The following CDH18 variants were observed in gnomAD, a reference collection of about 807,000 sequenced individuals.
The protein encoded by CDH18 is cadherin 18, also known as cadherin-18.
In CDH18, 31 loss-of-function variants were observed where a neutral mutation model predicts 67.9. That is an observed-to-expected ratio of 0.46 (90% CI 0.34 to 0.62). CDH18 has a LOEUF of 0.62. Among genes scored for constraint, CDH18 ranks in the 20% least tolerant of loss-of-function variants. The pLI is 0.01. For missense variants in CDH18, 890 were observed against 975.5 expected, an observed-to-expected ratio of 0.91 and a Z score of 1.17; for synonymous variants, 362 against 347.2, an observed-to-expected ratio of 1.04 and a Z score of -0.48.
At chr5:19,630,194 G>A (rs369705841) in intron 5 of CDH18, among the ~76,000 whole-genome samples, 1 of 151,904 alleles carries the variant, frequency 6.6e-6, no homozygotes, top group Non-Finnish European at 1.5e-5. Flanking sequence ...CACCAGCCTC[G>A]GCCTCCCAAA....
intron 2 of CDH18, among the ~76,000 whole-genome samples, chr5:20,085,883 T>G (rs1463870805): frequency 6.6e-6 from 1 of 152,140 alleles, no homozygotes; most frequent in Non-Finnish European, 1.5e-5. Context: ...CCATACTAAT[T>G]AGTAATCCTA....
intron 5 of CDH18, among the ~76,000 whole-genome samples, chr5:19,714,695 TG>T (rs1765134862): frequency 6.6e-6 from 1 of 151,592 alleles, no homozygotes; most frequent in Admixed American, 6.6e-5. Context: ...TTCTTTAAAA[TG>T]GTGATTGCAA....
intron 2 of CDH18, among the ~76,000 whole-genome samples, chr5:20,212,450 G>A (rs1286793222): frequency 2.0e-5 from 3 of 152,028 alleles, no homozygotes; most frequent in South Asian, 2.1e-4. Flanking sequence ...TACTCCTCGA[G>A]AAGAGCAACC....
At chr5:19,760,664 T>A (rs950006381) in intron 3 of CDH18, among the ~76,000 whole-genome samples, 3 of 152,162 alleles carry the variant, frequency 2.0e-5, no homozygotes, top group Non-Finnish European at 4.4e-5. Context: ...TCTGTTTACA[T>A]AAATTAGAGA....
intron 1 of CDH18, among the ~76,000 whole-genome samples, chr5:20,429,714 A>G (rs1240435647): frequency 6.6e-6 from 1 of 152,204 alleles, no homozygotes; most frequent in Admixed American, 6.5e-5. Flanking sequence ...AAGGCTTAAC[A>G]TATGTGTTAT....
At chr5:19,868,471 C>G (rs17222830) in intron 2 of CDH18, among the ~76,000 whole-genome samples, 1 of 151,944 alleles carries the variant, frequency 6.6e-6, no homozygotes, top group Non-Finnish European at 1.5e-5. Context: ...ACGAAACATA[C>G]GCTTAAAATT....
chr5:19,515,012 T>C (rs1745747673), intron 10 of CDH18, among the ~76,000 whole-genome samples: 1 of 152,198 alleles, frequency 6.6e-6, no homozygotes, highest in Non-Finnish European at 1.5e-5. Flanking sequence ...CCATCTCGAA[T>C]TAATATCTGT....
chr5:19,841,330 T>C (rs1387152352), intron 2 of CDH18, among the ~76,000 whole-genome samples: 5 of 152,150 alleles, frequency 3.3e-5, no homozygotes, highest in Admixed American at 1.3e-4. Context: ...AGCTTCAAAA[T>C]GGCAAGAGCA....
chr5:19,755,444 T>TATATATATATAG, intron 3 of CDH18, among the ~76,000 whole-genome samples: 1 of 18,644 alleles, frequency 5.4e-5, no homozygotes, highest in Non-Finnish European at 1.3e-3. Context: ...TATATATATA[T>TATATATATATAG]ATATATATAT....
intron 1 of CDH18, among the ~76,000 whole-genome samples, chr5:20,570,532 C>T (rs1002273537): frequency 2.0e-5 from 3 of 152,126 alleles, no homozygotes; most frequent in Non-Finnish European, 4.4e-5. Flanking sequence ...ATCTGGTAGA[C>T]AGGTAAATAA....
chr5:20,280,373 C>A (rs1006356499), intron 1 of CDH18, among the ~76,000 whole-genome samples: 1 of 152,032 alleles, frequency 6.6e-6, no homozygotes, highest in Admixed American at 6.6e-5. Flanking sequence ...TCCCACCCAA[C>A]AAAAGGCCTG....
intron 1 of CDH18, among the ~76,000 whole-genome samples, chr5:20,275,183 A>G (rs1745714861): frequency 6.6e-6 from 1 of 152,036 alleles, no homozygotes. Flanking sequence ...TCTCTGCCCA[A>G]ATCTCATGGC....
chr5:20,137,170 A>T (rs1003659475), intron 2 of CDH18, among the ~76,000 whole-genome samples: 1 of 152,134 alleles, frequency 6.6e-6, no homozygotes, highest in African/African-American at 2.4e-5. Flanking sequence ...AATATCCTGA[A>T]GAGTGTTTTC....
chr5:20,476,984 T>C (rs1752484442), intron 1 of CDH18, among the ~76,000 whole-genome samples: 1 of 152,146 alleles, frequency 6.6e-6, no homozygotes, highest in African/African-American at 2.4e-5. Context: ...TTTCCTTGCG[T>C]TTGTGTCTGC....
chr5:20,105,581 C>T (rs1382642730), intron 2 of CDH18, among the ~76,000 whole-genome samples: 4 of 151,770 alleles, frequency 2.6e-5, no homozygotes, highest in African/African-American at 9.7e-5. Context: ...CCATCATTCC[C>T]TCCCTATAAA....
chr5:19,687,456 G>A (rs1266413666), intron 5 of CDH18, among the ~76,000 whole-genome samples: 1 of 152,116 alleles, frequency 6.6e-6, no homozygotes, highest in Non-Finnish European at 1.5e-5. Flanking sequence ...GGAATGGCAG[G>A]GTCCCCAGCA....
intron 2 of CDH18, among the ~76,000 whole-genome samples, chr5:20,125,991 A>T (rs1254334919): frequency 6.6e-6 from 1 of 152,188 alleles, no homozygotes; most frequent in Admixed American, 6.5e-5. Context: ...ACCAGAAAAG[A>T]TCTCAAATAG....
chr5:19,649,730 G>A (rs1158670403), intron 5 of CDH18, among the ~76,000 whole-genome samples: 1 of 151,644 alleles, frequency 6.6e-6, no homozygotes, highest in African/African-American at 2.4e-5. Flanking sequence ...TTGAAAAAAT[G>A]GTATTTTATT....
At chr5:20,067,995 C>G (rs1251023193) in intron 2 of CDH18, among the ~76,000 whole-genome samples, 1 of 152,004 alleles carries the variant, frequency 6.6e-6, no homozygotes. Flanking sequence ...AACATAGCAG[C>G]CTTGTCCCTT....
Sources: gnomAD v4.1 joint callset for allele counts (sites outside exome capture counted in the v4.1 genomes callset) on GRCh38, gnomAD v4.1.1 for gene constraint, MANE v1.5 for transcripts, NCBI Gene and HGNC (gene_info 2026-07-23, HGNC 2026-07-21) for gene names.